The following TTC6 variants were observed in gnomAD, a reference collection of about 807,000 sequenced individuals.
TTC6 encodes the protein tetratricopeptide repeat domain 6.
A neutral mutation model predicts 210.4 loss-of-function variants in TTC6; 172 were observed. The ratio of observed to expected loss-of-function variants is 0.82; its 90% CI spans 0.72 to 0.93. TTC6 has a LOEUF of 0.93. Ranked by LOEUF, TTC6 falls within the 40% of genes least tolerant of loss-of-function variation. The probability of loss-of-function intolerance (pLI) is 0.00; values close to 1 mark genes in which losing one functional copy is unlikely to be tolerated. For missense variants in TTC6, 2,414 were observed against 2,318.1 expected (o/e 1.04, Z -0.85); for synonymous variants, 804 against 819.6 (o/e 0.98, Z 0.32).
chr14:37,688,181 G>A (rs1236571826), intron 3 of TTC6, among the ~76,000 whole-genome samples: 1 of 152,202 alleles, frequency 6.6e-6, no homozygotes, highest in Non-Finnish European at 1.5e-5. Context: ...GGCCTGAGAT[G>A]GCGGTGGCCA....
At chr14:37,777,770 GTTTTT>G (rs71127243) in intron 14 of TTC6, among the ~76,000 whole-genome samples, 108 of 136,418 alleles carry the variant, frequency 7.9e-4, no homozygotes, top group African/African-American at 1.5e-3. Flanking sequence ...CTTCGTGTAG[GTTTTT>G]TTTTTTTTTT....
intron 29 of TTC6, among the ~76,000 whole-genome samples, chr14:37,832,251 A>G (rs1048182049): frequency 1.7e-4 from 25 of 150,634 alleles, no homozygotes; most frequent in African/African-American, 6.1e-4. Flanking sequence ...CAAAAATATA[A>G]CTTCATTTTA....
intron 1 of TTC6, among the ~76,000 whole-genome samples, chr14:37,678,721 G>C (rs1219224830): frequency 6.6e-6 from 1 of 152,154 alleles, no homozygotes; most frequent in Admixed American, 6.6e-5. Flanking sequence ...ACTGTCTGCT[G>C]TCAAATCCTA....
At chr14:37,778,555 G>T (rs917195949) in intron 14 of TTC6, among the ~76,000 whole-genome samples, 2 of 152,138 alleles carry the variant, frequency 1.3e-5, no homozygotes, top group Non-Finnish European at 2.9e-5. Flanking sequence ...CTGCCCACAT[G>T]TGTGTGCACC....
intron 1 of TTC6, among the ~76,000 whole-genome samples, chr14:37,596,766 T>G (rs903053957): frequency 2.4e-4 from 36 of 152,308 alleles, no homozygotes; most frequent in African/African-American, 8.7e-4. Flanking sequence ...CAAAATCTTC[T>G]TGTTTTGCAA....
At chr14:37,750,400 T>C (rs1350394139) in intron 12 of TTC6, among the ~76,000 whole-genome samples, 8 of 151,054 alleles carry the variant, frequency 5.3e-5, no homozygotes, top group African/African-American at 2.0e-4. Context: ...TGATCTCTGC[T>C]AAAAGTCCAT....
chr14:37,644,645 C>T (rs2139397269), intron 1 of TTC6, among the ~76,000 whole-genome samples: 1 of 152,290 alleles, frequency 6.6e-6, no homozygotes, highest in Middle Eastern at 3.4e-3. Flanking sequence ...GGCGATACAC[C>T]TTGTGTAGAG....
chr14:37,597,456 A>G (rs2095606790), intron 1 of TTC6, among the ~76,000 whole-genome samples: 1 of 152,064 alleles, frequency 6.6e-6, no homozygotes, highest in African/African-American at 2.4e-5. Context: ...TAAGTAGGGG[A>G]AAAACACTGT....
chr14:37,769,040 T>C (rs2139162940), intron 14 of TTC6, among the ~76,000 whole-genome samples: 1 of 152,300 alleles, frequency 6.6e-6, no homozygotes, highest in East Asian at 1.9e-4. Context: ...AAAGGCCTTT[T>C]CTGCATCTAT....
At chr14:37,826,493 T>C in intron 28 of TTC6, 146 bp downstream of exon 30, 1 of 770,168 alleles carries the variant, frequency 1.3e-6, no homozygotes, top group African/African-American at 1.8e-5. Context: ...AAGTGATCCC[T>C]AGGGTAAAGA....
chr14:37,599,995 G>A (rs978732312), intron 1 of TTC6, among the ~76,000 whole-genome samples: 1 of 152,172 alleles, frequency 6.6e-6, no homozygotes, highest in Non-Finnish European at 1.5e-5. Context: ...CCCCTCCTGG[G>A]GAGCGCGGTC....
chr14:37,666,363 G>A (rs1046886279), intron 1 of TTC6, among the ~76,000 whole-genome samples: 1 of 149,088 alleles, frequency 6.7e-6, no homozygotes, highest in East Asian at 1.9e-4. Context: ...CTGTAATCCC[G>A]GCACTCTGGG....
chr14:37,773,007 T>G (rs1048061080), intron 14 of TTC6, among the ~76,000 whole-genome samples: 2 of 152,210 alleles, frequency 1.3e-5, no homozygotes, highest in African/African-American at 4.8e-5. Flanking sequence ...ATTAGTGATA[T>G]TGAGCATTTT....
chr14:37,601,304 C>T (rs2095615166), intron 1 of TTC6, among the ~76,000 whole-genome samples: 1 of 152,100 alleles, frequency 6.6e-6, no homozygotes, highest in African/African-American at 2.4e-5. Context: ...TTTTTTTTCT[C>T]TCCCTTACTG....
At chr14:37,786,744 G>A (rs1475374343) in intron 14 of TTC6, among the ~76,000 whole-genome samples, 2 of 152,194 alleles carry the variant, frequency 1.3e-5, no homozygotes, top group East Asian at 3.9e-4. Flanking sequence ...GACTGGAGCT[G>A]TTCCTATTTG....
chr14:37,655,490 A>C (rs2095720622), intron 1 of TTC6, among the ~76,000 whole-genome samples: 1 of 152,210 alleles, frequency 6.6e-6, no homozygotes, highest in African/African-American at 2.4e-5. Context: ...AAGCAGTCTT[A>C]ACCTTTTTCC....
In TTC6 at chr14:37,683,063, G is replaced by A. The variant is rs116529440; in HGVS notation, c.1257+99G>A. The A allele has an allele frequency of 8.3e-4, 844 of 1,019,560 alleles. 9 individuals are homozygous for A. The African/African-American group carries it at 0.013, about 15-fold the overall frequency. The allele number at this position is 1,019,560 out of a possible 1,614,324, so 63.2% of individuals were successfully genotyped here. A position where few individuals can be genotyped will look rare whatever the true frequency, so the allele number is the denominator to read the frequency against. ...CAGGCAAGGACCAACGTATGGGGCTGGGGGCGGGGGTGATGGTGTGTTCAC... is the reference window on the plus strand; with the variant it reads ...CAGGCAAGGACCAACGTATGGGGCTAGGGGCGGGGGTGATGGTGTGTTCAC... On this transcript the variant is annotated intron_variant, in intron 3 of 30. Coordinates refer to ENST00000553443, the Ensembl canonical transcript of TTC6.
At chr14:37,711,836 T>TA (rs2095845211) in intron 5 of TTC6, among the ~76,000 whole-genome samples, 4 of 151,940 alleles carry the variant, frequency 2.6e-5, no homozygotes, top group Admixed American at 1.3e-4. Context: ...TGAGAGAAGA[T>TA]ACAGTGAACA....
At chr14:37,681,334 A>G (rs1160673963) in intron 2 of TTC6, among the ~76,000 whole-genome samples, 1 of 152,208 alleles carries the variant, frequency 6.6e-6, no homozygotes, top group Non-Finnish European at 1.5e-5. Context: ...GAATAAACTT[A>G]ATACCATTCA....
Sources: gnomAD v4.1 joint callset for allele counts (sites outside exome capture counted in the v4.1 genomes callset) on GRCh38, gnomAD v4.1.1 for gene constraint, MANE v1.5 for transcripts, NCBI Gene and HGNC (gene_info 2026-07-23, HGNC 2026-07-21) for gene names.